MEGF11: variants seen among roughly 807,000 people sequenced by gnomAD.
MEGF11 encodes the protein multiple epidermal growth factor-like domains protein 11.
MEGF11 carries 126 observed loss-of-function variants against 146.6 expected under a neutral mutation model. The ratio of observed to expected loss-of-function variants is 0.86; its 90% confidence interval spans 0.74 to 1.00. The LOEUF (loss-of-function observed/expected upper bound fraction) is 1.00, where lower values mean the gene tolerates loss of function less well. Ranked by LOEUF, MEGF11 falls within the 50% of genes least tolerant of loss-of-function variation. MEGF11 has a pLI of 0.00. For synonymous variants in MEGF11, 532 were observed against 583.4 expected (o/e 0.91, Z 1.27); for missense variants, 1,509 against 1,521.2 (o/e 0.99, Z 0.13).
At chr15:66,137,630 G>C (rs1364685502) in intron 1 of MEGF11, among the ~76,000 whole-genome samples, 1 of 149,364 alleles carries the variant, frequency 6.7e-6, no homozygotes, top group Admixed American at 6.7e-5. Flanking sequence ...ACAGCTCACT[G>C]CAGCTTTGAC....
Position 65,930,869 on chromosome 15 carries a change from ATTG to A in MEGF11, c.1359_1361del (p.Asn454del). ...CATCTACTGGGGAGCAGGTGCCACC[ATTG>A]TTACAGCTACAGATGGACGAGCAGT... On this transcript the variant is annotated inframe_deletion, in exon 11 of 26. Transcript: ENST00000395614. 6.2e-7 allele frequency: 1 copy of A among 1,611,668 alleles called. No individual in the cohort carries two copies. Among genetic ancestry groups the A allele is most frequent in the South Asian group, 1.1e-5 (1 of 90,514 alleles).
At chr15:66,233,424 C>A (rs1029219598) in intron 1 of MEGF11, among the ~76,000 whole-genome samples, 6 of 152,098 alleles carry the variant, frequency 3.9e-5, no homozygotes, top group Non-Finnish European at 7.4e-5. Flanking sequence ...TTAGTAGAGA[C>A]AGGATTTCAC....
At chr15:66,133,899 A>G (rs1567258328) in intron 1 of MEGF11, among the ~76,000 whole-genome samples, 1 of 152,238 alleles carries the variant, frequency 6.6e-6, no homozygotes, top group African/African-American at 2.4e-5. Flanking sequence ...AGTCTCTGCC[A>G]GGTGCCTGGC....
chr15:66,159,744 G>C (rs2089885772), intron 1 of MEGF11, among the ~76,000 whole-genome samples: 1 of 152,138 alleles, frequency 6.6e-6, no homozygotes, highest in Non-Finnish European at 1.5e-5. Context: ...GGACCTTTTG[G>C]GGAAGGGGGA....
At chr15:66,073,274 G>A (rs1191312716) in intron 5 of MEGF11, among the ~76,000 whole-genome samples, 2 of 152,120 alleles carry the variant, frequency 1.3e-5, no homozygotes, top group African/African-American at 2.4e-5. Flanking sequence ...GCAGAATCAC[G>A]CCCCCCTTCT....
In MEGF11 at chr15:65,905,721, A is replaced by G. The variant is rs74557564; in HGVS notation, c.3055+364T>C. The G allele has an allele frequency of 9.1e-3, 1,586 of 173,702 alleles. 23 individuals carry two copies. Among genetic ancestry groups the G allele is most frequent in the South Asian group, 0.052 (322 of 6,164 alleles). 10.8% of individuals were successfully genotyped at this position (173,702 alleles called of 1,614,324 possible). On this transcript the variant is annotated intron_variant, in intron 24 of 25. Transcript: ENST00000395614. ...GGTGGCATTCCTTGCTAGTGCAACG[A>G]CAGGAGGCCTCTGGGGCAGGTAGAT...
intron 3 of MEGF11, among the ~76,000 whole-genome samples, chr15:66,122,090 C>G (rs1266969179): frequency 6.6e-6 from 1 of 152,078 alleles, no homozygotes; most frequent in Non-Finnish European, 1.5e-5. Context: ...TGGCGAAACC[C>G]CATCTCTACT....
intron 16 of MEGF11, among the ~76,000 whole-genome samples, 165 bp from the exon 17 acceptor site, chr15:65,917,121 T>C (rs1596834836): frequency 6.6e-6 from 1 of 152,274 alleles, no homozygotes; most frequent in East Asian, 1.9e-4. Context: ...TTCCTGCACT[T>C]ACTTCTTGGC....
chr15:65,910,983 T>C (rs142851283), intron 21 of MEGF11, among the ~76,000 whole-genome samples: 79 of 152,314 alleles, frequency 5.2e-4, no homozygotes, highest in African/African-American at 1.8e-3. Context: ...TCTTCCTCAC[T>C]TCTTGTTTCC....
intron 1 of MEGF11, among the ~76,000 whole-genome samples, chr15:66,164,448 C>T (rs2090043490): frequency 6.6e-6 from 1 of 152,136 alleles, no homozygotes; most frequent in African/African-American, 2.4e-5. Flanking sequence ...GTTAGGAGAC[C>T]TGGGCCCAAG....
chr15:66,094,322 T>A, intron 5 of MEGF11, 80 bp downstream of exon 5: 1 of 1,218,352 alleles, frequency 8.2e-7, no homozygotes, highest in Non-Finnish European at 1.2e-6. Context: ...AACACAAAAA[T>A]GTAGCATGCA....
chr15:66,066,328 G>T (rs1323680249), intron 5 of MEGF11, among the ~76,000 whole-genome samples: 1 of 152,068 alleles, frequency 6.6e-6, no homozygotes, highest in Non-Finnish European at 1.5e-5. Context: ...GTTGGTTGCT[G>T]ACCTCCCTCC....
chr15:66,243,730 C>T (rs1214919660), intron 1 of MEGF11, among the ~76,000 whole-genome samples: 1 of 152,052 alleles, frequency 6.6e-6, no homozygotes, highest in Non-Finnish European at 1.5e-5. Context: ...TTATTTTAAG[C>T]TTGGATGATA....
At chr15:66,171,231 G>A (rs1273726224) in intron 1 of MEGF11, among the ~76,000 whole-genome samples, 2 of 152,198 alleles carry the variant, frequency 1.3e-5, no homozygotes, top group East Asian at 1.9e-4. Flanking sequence ...GAACACCAAT[G>A]TTTCTGCCAG....
At chr15:65,941,710 T>C (rs2079998614) in intron 10 of MEGF11, among the ~76,000 whole-genome samples, 1 of 152,252 alleles carries the variant, frequency 6.6e-6, no homozygotes, top group Non-Finnish European at 1.5e-5. Context: ...TATGGACTTA[T>C]TGAGCAAACT....
chr15:65,932,498 A>G (rs1468254392), intron 10 of MEGF11, among the ~76,000 whole-genome samples: 4 of 152,064 alleles, frequency 2.6e-5, no homozygotes, highest in Non-Finnish European at 4.4e-5. Context: ...TGGAGGCTTC[A>G]GAGGCCTTGA....
chr15:65,941,602 T>A (rs777951103), intron 10 of MEGF11, among the ~76,000 whole-genome samples: 10 of 152,358 alleles, frequency 6.6e-5, no homozygotes, highest in Non-Finnish European at 1.2e-4. Context: ...TTCTCCTCTG[T>A]ATTGATGCTC....
Position 65,898,943 on chromosome 15 carries a change from CAA to C in MEGF11, c.3056-11_3056-10del. 1.2e-6 allele frequency: 2 copies of C among 1,613,376 alleles called. No homozygotes were observed. The highest frequency in any genetic ancestry group is 4.5e-5 in the East Asian group (2 of 44,870). On this transcript the variant is annotated splice_polypyrimidine_tract_variant and intron_variant, in intron 24 of 25. Transcript: ENST00000395614. ...GGATTCTTTCATGTAATCTGCAAGGCAAGAGACATTTCTTAGGACAAGCAAGA... is the reference window on the plus strand; with the variant it reads ...GGATTCTTTCATGTAATCTGCAAGGCGAGACATTTCTTAGGACAAGCAAGA...
At chr15:66,233,141 C>G (rs1278813076) in intron 1 of MEGF11, among the ~76,000 whole-genome samples, 1 of 152,196 alleles carries the variant, frequency 6.6e-6, no homozygotes, top group Non-Finnish European at 1.5e-5. Context: ...AATACCAGCA[C>G]CTAGCATAGA....
Sources: allele counts gnomAD v4.1 joint callset (sites outside exome capture counted in the v4.1 genomes callset), GRCh38; gene constraint gnomAD v4.1.1; transcripts MANE v1.5; gene names NCBI Gene and HGNC (gene_info 2026-07-23, HGNC 2026-07-21).